Variants in CDKL5 observed in about 807,000 individuals in gnomAD.
CDKL5 encodes cyclin dependent kinase like 5, also known as cyclin-dependent kinase-like 5.
In CDKL5, 8 loss-of-function variants were observed where a neutral mutation model predicts 61.7. The ratio of observed to expected loss-of-function variants is 0.13; its 90% CI spans 0.08 to 0.23. The LOEUF is 0.23. Among genes scored for constraint, CDKL5 ranks in the 10% least tolerant of loss-of-function variants. CDKL5 has a pLI of 1.00. For synonymous variants in CDKL5, 275 were observed against 272.3 expected (o/e 1.01, Z -0.10); for missense variants, 440 against 734.5 (o/e 0.60, Z 4.63).
chrX:18,618,663 A>G (rs1342166467), intron 15 of CDKL5, among the ~76,000 whole-genome samples: 1 of 112,590 alleles, frequency 8.9e-6, no homozygotes, highest in Non-Finnish European at 1.9e-5. Context: ...GCAACAATAC[A>G]ACACTACATT....
chrX:18,484,619 C>T (rs1429673250), intron 1 of CDKL5, among the ~76,000 whole-genome samples: 1 of 111,520 alleles, frequency 9.0e-6, no homozygotes, highest in African/African-American at 3.3e-5. Flanking sequence ...CCACTCCTGG[C>T]TGCATAATCA....
At chrX:18,617,726 C>T (rs549837224) in intron 15 of CDKL5, among the ~76,000 whole-genome samples, 5 of 112,127 alleles carry the variant, frequency 4.5e-5, no homozygotes, top group Middle Eastern at 4.6e-3. Context: ...TGCAAACACA[C>T]GCTTCGCTCC....
At chrX:18,550,094 CTGAT>C (rs1924334277) in intron 3 of CDKL5, among the ~76,000 whole-genome samples, 1 of 111,576 alleles carries the variant, frequency 9.0e-6, no homozygotes, top group Non-Finnish European at 1.9e-5. Context: ...GTAGCTGACA[CTGAT>C]TGAGCTAGGT....
At chrX:18,511,958 G>C (rs905322794) in intron 3 of CDKL5, among the ~76,000 whole-genome samples, 1 of 111,876 alleles carries the variant, frequency 8.9e-6, no homozygotes, top group Non-Finnish European at 1.9e-5. Context: ...GCTAGAACTT[G>C]GGATAATAGT....
chrX:18,495,198 G>A (rs1301872676), intron 1 of CDKL5, among the ~76,000 whole-genome samples: 1 of 111,860 alleles, frequency 8.9e-6, no homozygotes, highest in East Asian at 2.8e-4. Flanking sequence ...ACAATGCCAG[G>A]AACAAAAACA....
rs1199351370 is a variant in CDKL5 at position 18,453,605 on chromosome X, T to C, written c.-163+27910T>C. Among the ~76,000 whole-genome samples, 3 of 112,045 alleles carry C rather than the reference T, an allele frequency of 2.7e-5. No homozygotes were observed. In the Admixed American group the frequency reaches 2.9e-4, roughly 11 times the overall value. On this transcript the variant is annotated intron_variant, in intron 1 of 17. Coordinates refer to ENST00000623535, the MANE Select transcript of CDKL5 (RefSeq NM_001323289.2). ...GTAAGATTAGTGGATGTATCATTAA[T>C]GTTAAAATTGAGTTTTAACATTTTC...
At chrX:18,522,083 G>T (rs1450617345) in intron 3 of CDKL5, among the ~76,000 whole-genome samples, 1 of 110,605 alleles carries the variant, frequency 9.0e-6, no homozygotes, top group African/African-American at 3.3e-5. Flanking sequence ...AAAAAAAGCT[G>T]TTGAAATTTT....
exon 22 of CDKL5, chrX:18,653,620 C>T (rs759485059): frequency 9.0e-7 from 1 of 1,113,524 alleles, no homozygotes; most frequent in East Asian, 3.2e-5. Context: ...ACCAATGAAT[C>T]AACCATTAAC....
intron 3 of CDKL5, among the ~76,000 whole-genome samples, chrX:18,555,424 C>A (rs1312333877): frequency 1.8e-5 from 2 of 112,060 alleles, no homozygotes; most frequent in Non-Finnish European, 3.8e-5. Flanking sequence ...TGGGCAGATT[C>A]ATTCGTAGTG....
chrX:18,504,081 T>A (rs780777154), intron 1 of CDKL5, among the ~76,000 whole-genome samples: 3 of 109,543 alleles, frequency 2.7e-5, no homozygotes, highest in Non-Finnish European at 5.7e-5. Flanking sequence ...TGTTAATAAG[T>A]ATTAATAGTA....
chrX:18,576,614 G>GT (rs754941547), intron 5 of CDKL5, among the ~76,000 whole-genome samples: 9 of 108,117 alleles, frequency 8.3e-5, no homozygotes, highest in African/African-American at 3.0e-4. Context: ...TTTACAAATT[G>GT]TTTTTTGAAA....
chrX:18,607,399 A>G (rs904262188), intron 12 of CDKL5, among the ~76,000 whole-genome samples: 1 of 112,279 alleles, frequency 8.9e-6, no homozygotes, highest in Non-Finnish European at 1.9e-5. Flanking sequence ...AAAATTGGGT[A>G]AAATGTGCTA....
intron 3 of CDKL5, among the ~76,000 whole-genome samples, chrX:18,543,975 T>C (rs1362469092): frequency 8.9e-6 from 1 of 112,021 alleles, no homozygotes; most frequent in Non-Finnish European, 1.9e-5. Context: ...TTGTTGTTAC[T>C]CTGGTTACAA....
chrX:18,534,798 C>G (rs1412002259), intron 3 of CDKL5, among the ~76,000 whole-genome samples: 1 of 111,824 alleles, frequency 8.9e-6, no homozygotes, highest in African/African-American at 3.3e-5. Context: ...GTAACTTGCC[C>G]TATTATAGGT....
intron 1 of CDKL5, among the ~76,000 whole-genome samples, chrX:18,439,045 G>GCCCCCCCCCCC (rs367844172): frequency 3.6e-3 from 133 of 37,459 alleles, no homozygotes; most frequent in East Asian, 5.6e-3. Flanking sequence ...GCCCCTTTTT[G>GCCCCCCCCCCC]CCCCCCCCCC....
intron 15 of CDKL5, 144 bp downstream of exon 15, chrX:18,613,419 AT>A: frequency 1.9e-6 from 1 of 522,388 alleles, no homozygotes. Context: ...GGAAAATGTG[AT>A]TTTTCATTAT....
intron 3 of CDKL5, among the ~76,000 whole-genome samples, chrX:18,511,475 A>G (rs1341465867): frequency 9.0e-6 from 1 of 110,928 alleles, no homozygotes; most frequent in Admixed American, 9.7e-5. Flanking sequence ...GTCCCGTAAG[A>G]TTATGATATG....
intron 1 of CDKL5, among the ~76,000 whole-genome samples, chrX:18,439,045 G>GGC (rs757823393): frequency 5.3e-5 from 2 of 37,487 alleles, no homozygotes; most frequent in Admixed American, 4.2e-4. Flanking sequence ...GCCCCTTTTT[G>GGC]CCCCCCCCCC....
At chrX:18,595,146 C>T (rs1413681640) in intron 9 of CDKL5, among the ~76,000 whole-genome samples, 1 of 112,002 alleles carries the variant, frequency 8.9e-6, no homozygotes, top group African/African-American at 3.2e-5. Context: ...CGCACCATTG[C>T]ATTCCAGCCT....
Sources: gnomAD v4.1 joint callset for allele counts (sites outside exome capture counted in the v4.1 genomes callset) on GRCh38, gnomAD v4.1.1 for gene constraint, MANE v1.5 for transcripts, NCBI Gene and HGNC (gene_info 2026-07-23, HGNC 2026-07-21) for gene names.